The following LONP1 variants were observed in gnomAD, a reference collection of about 807,000 sequenced individuals.
LONP1 encodes lon protease homolog, mitochondrial.
LONP1 carries 31 observed loss-of-function variants against 98.5 expected under a neutral mutation model. The ratio of observed to expected loss-of-function variants is 0.31; its 90% CI spans 0.24 to 0.42. The LOEUF is 0.42. LONP1 is among the 20% of genes least tolerant of loss of function. LONP1 has a pLI of 1.00. For synonymous variants in LONP1, 781 were observed against 594.7 expected, an observed-to-expected ratio of 1.31 and a Z score of -4.56; for missense variants, 1,336 against 1,350.6, an observed-to-expected ratio of 0.99 and a Z score of 0.17.
At chr19:5,699,005 A>G in intron 10 of LONP1, 22 bp downstream of exon 10, 1 of 1,587,364 alleles carries the variant, frequency 6.3e-7, no homozygotes, top group Non-Finnish European at 8.6e-7. Flanking sequence ...GTGCGTGGGG[A>G]GAGCTGTCAG....
chr19:5,708,132 G>T (rs2055177367), intron 5 of LONP1: 4 of 618,278 alleles, frequency 6.5e-6, no homozygotes, highest in Admixed American at 5.8e-5. Context: ...CTCAGCAGAA[G>T]GGGACAAAGA....
rs1248264484 is a variant in LONP1 at position 5,696,232 on chromosome 19, C to T, written c.1896+17G>A. ...TTACCCTCCCCAGCAAGCCCAGGCC[C>T]CAGACAGGCCCCCCACCTTGGACAA... On this transcript the variant is annotated intron_variant, in intron 12 of 17. Transcript: ENST00000360614. 5 of 1,612,898 alleles carry T rather than the reference C, an allele frequency of 3.1e-6. No individual in the cohort carries two copies. Among genetic ancestry groups the T allele is most frequent in the Non-Finnish European group, 4.2e-6 (5 of 1,179,798 alleles).
chr19:5,702,612 G>A (rs2055074605), intron 8 of LONP1, among the ~76,000 whole-genome samples: 1 of 152,252 alleles, frequency 6.6e-6, no homozygotes, highest in Non-Finnish European at 1.5e-5. Flanking sequence ...GAAATCGGAT[G>A]GTTGCCGTGT....
intron 10 of LONP1, among the ~76,000 whole-genome samples, 180 bp from the exon 11 acceptor site, chr19:5,696,937 A>G (rs1599450402): frequency 6.6e-6 from 1 of 152,170 alleles, no homozygotes; most frequent in South Asian, 2.1e-4. Flanking sequence ...CACGCTGGTC[A>G]CTTGCCCTGA....
In LONP1 at chr19:5,702,704, A is replaced by G. The variant is rs1424337831; in HGVS notation, c.1368-1777T>C. On this transcript the variant is annotated intron_variant, in intron 8 of 17. Coordinates refer to ENST00000360614, the MANE Select transcript of LONP1 (RefSeq NM_004793.4). ...ATTCTTCTGCCTTGGGATCCTGTTG[A>G]TCGGTGACCTTACCCCCAACCCTGT... Among the ~76,000 whole-genome samples the G allele has an allele frequency of 3.9e-5, 6 of 151,952 alleles. No homozygotes were observed. The East Asian group carries it at 5.8e-4, about 15-fold the overall frequency.
Position 5,692,041 on chromosome 19 carries a change from C to T in LONP1, c.2871G>A (p.Val957=), listed in dbSNP as rs1212843606. The T allele has an allele frequency of 4.3e-6, 7 of 1,612,476 alleles. No homozygotes were observed. The highest frequency in any genetic ancestry group is 5.9e-6 in the Non-Finnish European group (7 of 1,179,112). Residue 957 remains valine (V), a synonymous_variant, in exon 18 of 18, where the codon GTG becomes GTA. Transcript: ENST00000360614. The stretch of plus-strand genomic sequence containing the variant: ...AGTCCCGGGGTGGCCGTCACCGTTC[C>T]ACGGCCAGCGCCTCTGCCTGCTCGT... ...FPDEQAEALA[V]ER
At chr19:5,716,781 C>T (rs1446909393) in intron 1 of LONP1, among the ~76,000 whole-genome samples, 1 of 152,098 alleles carries the variant, frequency 6.6e-6, no homozygotes, top group Non-Finnish European at 1.5e-5. Flanking sequence ...GCAGAGCACA[C>T]CTGAACAAAG....
intron 7 of LONP1, 117 bp downstream of exon 7, chr19:5,706,943 T>C (rs2055154997): frequency 6.2e-6 from 5 of 812,870 alleles, no homozygotes; most frequent in South Asian, 1.5e-5. Flanking sequence ...AGACAGGCCT[T>C]CTTGGCTTGC....
chr19:5,715,481 A>C (rs2055301559), intron 1 of LONP1, among the ~76,000 whole-genome samples: 1 of 150,978 alleles, frequency 6.6e-6, no homozygotes, highest in African/African-American at 2.4e-5. Flanking sequence ...GTCTCTACTA[A>C]AAATACAAAA....
intron 9 of LONP1, 72 bp downstream of exon 9, chr19:5,700,717 C>T: frequency 6.3e-7 from 1 of 1,582,034 alleles, no homozygotes; most frequent in Non-Finnish European, 8.6e-7. Context: ...GAAATCTCAA[C>T]CCACAGCACA....
Position 5,702,030 on chromosome 19 carries a change from G to T in LONP1, c.1368-1103C>A, listed in dbSNP as rs1204164313. On this transcript the variant is annotated intron_variant, in intron 8 of 17. Transcript: ENST00000360614. ...GCCTGGCAACCGACCCGTCTGAGAA[G>T]TGAGGAGCGTCTCCGCCCAGCAGCC... Among the ~76,000 whole-genome samples the T allele has an allele frequency of 3.9e-5, 6 of 152,038 alleles. 1 individual carries two copies. Among genetic ancestry groups the T allele is most frequent in the African/African-American group, 1.2e-4 (5 of 41,508 alleles).
At chr19:5,706,093 A>G in intron 7 of LONP1, 101 bp from the exon 8 acceptor site, 1 of 763,728 alleles carries the variant, frequency 1.3e-6, no homozygotes, top group African/African-American at 1.7e-5. Context: ...CAGGACTCAG[A>G]GAGAAAAGAA....
intron 9 of LONP1, among the ~76,000 whole-genome samples, chr19:5,699,527 A>T (rs1427999376): frequency 6.6e-6 from 1 of 151,412 alleles, no homozygotes; most frequent in African/African-American, 2.4e-5. Context: ...CAACCCAGAG[A>T]AGCAGTCCAC....
chr19:5,697,766 C>CCTTG (rs1458792600), intron 10 of LONP1, among the ~76,000 whole-genome samples: 1 of 124,012 alleles, frequency 8.1e-6, no homozygotes, highest in African/African-American at 2.9e-5. Context: ...TTGTCCTTGT[C>CCTTG]TCAGGAACCC....
rs370343993 is a variant in LONP1, at chr19:5,705,604, G to A, written c.1367+168C>T. Among the ~76,000 whole-genome samples, 38 of 152,286 alleles carry A rather than the reference G, an allele frequency of 2.5e-4. 2 individuals are homozygous for A. In the South Asian group the frequency reaches 6.4e-3, roughly 26 times the overall value. On this transcript the variant is annotated intron_variant, in intron 8 of 17. Coordinates refer to ENST00000360614, the MANE Select transcript of LONP1 (RefSeq NM_004793.4). ...TTCCTTGTAGAATGGAGATGGTGAT[G>A]ATGTGTCCTGCCCAGAACAGGGCTG...
intron 9 of LONP1, 32 bp from the exon 10 acceptor site, chr19:5,699,237 G>A: frequency 6.8e-7 from 1 of 1,465,902 alleles, no homozygotes; most frequent in South Asian, 1.4e-5. Flanking sequence ...GTGGGCACGT[G>A]AGCTGGGGAA....
intron 8 of LONP1, among the ~76,000 whole-genome samples, chr19:5,702,218 C>A (rs1343194471): frequency 2.0e-5 from 3 of 149,870 alleles, no homozygotes; most frequent in Non-Finnish European, 4.5e-5. Flanking sequence ...GGTCAGCCCC[C>A]CGCCCGGCTA....
intron 7 of LONP1, 100 bp from the exon 8 acceptor site, chr19:5,706,092 G>C: frequency 1.3e-6 from 1 of 763,720 alleles, no homozygotes; most frequent in South Asian, 1.6e-5. Context: ...CCAGGACTCA[G>C]AGAGAAAAGA....
intron 4 of LONP1, among the ~76,000 whole-genome samples, chr19:5,710,831 G>C (rs893768850): frequency 6.6e-6 from 1 of 152,050 alleles, no homozygotes. Flanking sequence ...TTTGAGACTA[G>C]CCCGGCCAAC....
Sources: gnomAD v4.1 joint callset for allele counts (sites outside exome capture counted in the v4.1 genomes callset) on GRCh38, gnomAD v4.1.1 for gene constraint, MANE v1.5 for transcripts, NCBI Gene and HGNC (gene_info 2026-07-23, HGNC 2026-07-21) for gene names.